BMP10: variants seen among roughly 807,000 people sequenced by gnomAD.
BMP10 encodes bone morphogenetic protein 10.
A neutral mutation model predicts 29.9 loss-of-function variants in BMP10; 9 were observed. That is an observed-to-expected ratio of 0.30 (90% CI 0.18 to 0.53). The LOEUF (loss-of-function observed/expected upper bound fraction) is 0.53, where lower values mean the gene tolerates loss of function less well. Among genes scored for constraint, BMP10 ranks in the 20% least tolerant of loss-of-function variants. BMP10 has a pLI of 0.96. For missense variants in BMP10, 474 were observed against 524.3 expected, an observed-to-expected ratio of 0.90 and a Z score of 0.94; for synonymous variants, 202 against 200.2, an observed-to-expected ratio of 1.01 and a Z score of -0.07.
At chr2:68,867,070 C>T (rs577733576) in intron 1 of BMP10, among the ~76,000 whole-genome samples, 354 of 152,284 alleles carry the variant, frequency 2.3e-3, no homozygotes, top group African/African-American at 8.2e-3. Context: ...TCCTAAAAGA[C>T]CTCCATTTAG....
Position 68,865,690 on chromosome 2 carries a change from C to G in BMP10, c.1216G>C (p.Val406Leu). 6.2e-7 allele frequency: 1 copy of G among 1,614,086 alleles called. No homozygotes were observed. The highest frequency in any genetic ancestry group is 8.5e-7 in the Non-Finnish European group (1 of 1,179,968). The change falls in exon 2 of 2, where the codon GTC becomes CTC. Residue 406 changes from valine to leucine, a missense_variant. Physicochemically the swap from Val to Leu is conservative, Grantham distance 32. Transcript: ENST00000295379. This position sits in a 1 kb window ranked among gnomAD's most constrained non-coding sequence, Gnocchi z 4.7. ...TCGTATTTAAACTTGTAGGTGACGA[C>G]GCCTTTGTCTAAATAGAGGATGGAG... Reference protein sequence around the residue: ...PISILYLDKGVVTYKFKYEGM... With the variant: ...PISILYLDKGLVTYKFKYEGM...
rs1309528022 is a variant in BMP10, at chr2:68,865,145, T to C, written c.*486A>G. Among the ~76,000 whole-genome samples the C allele has an allele frequency of 1.3e-5, 2 of 152,134 alleles. No individual in the cohort carries two copies. Among genetic ancestry groups the C allele is most frequent in the African/African-American group, 4.8e-5 (2 of 41,434 alleles). On this transcript the variant is annotated 3_prime_UTR_variant, in exon 2 of 2. Transcript: ENST00000295379. The surrounding 1 kb of genome is among the most constrained non-coding windows in gnomAD (Gnocchi z 4.7). ...AAAAGCTACACTTACATTTCCAGAG[T>C]ATTTAGGAAGGGTAATACTTCCTAG...
chr2:68,865,568 C>T lies in BMP10; in HGVS notation c.*63G>A. The T allele has an allele frequency of 6.8e-7, 1 of 1,472,460 alleles. No homozygotes were observed. The highest frequency in any genetic ancestry group is 9.3e-7 in the Non-Finnish European group (1 of 1,075,872). 91.2% of individuals were successfully genotyped at this position (1,472,460 alleles called of 1,614,324 possible). The stretch of plus-strand genomic sequence containing the variant: ...ACTGTACACCCTTATTAAATAATCT[C>T]ATTAAATAGGAACACCAAATATACA... On this transcript the variant is annotated 3_prime_UTR_variant, in exon 2 of 2. Transcript: ENST00000295379. The surrounding 1 kb of genome is among the most constrained non-coding windows in gnomAD (Gnocchi z 4.7).
Position 68,864,767 on chromosome 2 carries a change from C to T in BMP10, c.*864G>A, listed in dbSNP as rs1178319171. On this transcript the variant is annotated 3_prime_UTR_variant, in exon 2 of 2. Transcript: ENST00000295379. ...TTAAACAGAACCACTTTTGGTTTTA[C>T]AGACACATCTGAGGATAGCCTCTGA... Among the ~76,000 whole-genome samples, 3 of 152,216 alleles carry T rather than the reference C, an allele frequency of 2.0e-5. No homozygotes were observed. Among genetic ancestry groups the T allele is most frequent in the Admixed American group, 6.5e-5 (1 of 15,276 alleles).
At chr2:68,867,482 A>T (rs1682986231) in intron 1 of BMP10, among the ~76,000 whole-genome samples, 2 of 152,216 alleles carry the variant, frequency 1.3e-5, no homozygotes, top group Admixed American at 6.5e-5. Context: ...GGGGCGTGAC[A>T]TGTATAACTC....
chr2:68,865,583 C>A lies in BMP10; in HGVS notation c.*48G>T. On this transcript the variant is annotated 3_prime_UTR_variant, in exon 2 of 2. Coordinates refer to ENST00000295379, the MANE Select transcript of BMP10 (RefSeq NM_014482.3). This position sits in a 1 kb window ranked among gnomAD's most constrained non-coding sequence, Gnocchi z 4.7. The stretch of plus-strand genomic sequence containing the variant: ...TAAATAATCTCATTAAATAGGAACA[C>A]CAAATATACACATTTACAGTTATTA... 1 of 1,533,480 alleles carries A rather than the reference C, an allele frequency of 6.5e-7. No individual in the cohort carries two copies. Among genetic ancestry groups the A allele is most frequent in the Non-Finnish European group, 8.9e-7 (1 of 1,123,024 alleles). The allele number at this position is 1,533,480 out of a possible 1,614,324, so 95.0% of individuals were successfully genotyped here. A position where few individuals can be genotyped will look rare whatever the true frequency, so the allele number is the denominator to read the frequency against.
rs1359428236 is a variant in BMP10 at position 68,862,408 on chromosome 2, C to A, written c.*3223G>T. Among the ~76,000 whole-genome samples the A allele has an allele frequency of 6.6e-6, 1 of 152,090 alleles. No homozygotes were observed. The highest frequency in any genetic ancestry group is 1.5e-5 in the Non-Finnish European group (1 of 68,012). ...AGACTCTCTATCCAAAAGGGAATCACAGACATAAAAATAAAATATTTGGTA... is the reference window on the plus strand; with the variant it reads ...AGACTCTCTATCCAAAAGGGAATCAAAGACATAAAAATAAAATATTTGGTA... On this transcript the variant is annotated 3_prime_UTR_variant, in exon 2 of 2. Coordinates refer to ENST00000295379, the MANE Select transcript of BMP10 (RefSeq NM_014482.3).
rs60978330 is a variant in BMP10, at chr2:68,863,115, G to A, written c.*2516C>T. 0.012 allele frequency among the ~76,000 whole-genome samples: 1,770 copies of A among 152,312 alleles called. 37 individuals carry two copies. Among genetic ancestry groups the A allele is most frequent in the African/African-American group, 0.04 (1,659 of 41,554 alleles). ...TAATGTCAGCGGTGTGCTAATGTCA[G>A]TGGGATACTAAATGTCAGCGGTGTG... is the stretch of plus-strand genomic sequence containing the variant. On this transcript the variant is annotated 3_prime_UTR_variant, in exon 2 of 2. Coordinates refer to ENST00000295379, the MANE Select transcript of BMP10 (RefSeq NM_014482.3).
At chr2:68,867,468 G>A (rs947952194) in intron 1 of BMP10, among the ~76,000 whole-genome samples, 20 of 152,170 alleles carry the variant, frequency 1.3e-4, no homozygotes, top group Admixed American at 1.2e-3. Flanking sequence ...CTAGCACCTG[G>A]CATGGGGCGT....
intron 1 of BMP10, among the ~76,000 whole-genome samples, chr2:68,869,860 T>G (rs975249083): frequency 3.3e-5 from 5 of 152,242 alleles, no homozygotes; most frequent in Admixed American, 2.6e-4. Flanking sequence ...AAGTAACTCA[T>G]TAGTAGTCAC....
chr2:68,867,817 A>G (rs1682994955), intron 1 of BMP10, among the ~76,000 whole-genome samples: 1 of 152,112 alleles, frequency 6.6e-6, no homozygotes, highest in African/African-American at 2.4e-5. Flanking sequence ...TTTTTCTTTA[A>G]TTTGATCTAA....
In BMP10 at chr2:68,865,457, T is replaced by C. The variant is rs1328939496; in HGVS notation, c.*174A>G. The C allele has an allele frequency of 7.4e-6, 5 of 678,362 alleles. No individual in the cohort carries two copies. Among genetic ancestry groups the C allele is most frequent in the South Asian group, 7.1e-5 (3 of 42,058 alleles). The allele number at this position is 678,362 out of a possible 1,614,324, so 42.0% of individuals were successfully genotyped here. On this transcript the variant is annotated 3_prime_UTR_variant, in exon 2 of 2. Coordinates refer to ENST00000295379, the MANE Select transcript of BMP10 (RefSeq NM_014482.3). This position sits in a 1 kb window ranked among gnomAD's most constrained non-coding sequence, Gnocchi z 4.7. Reference sequence around the variant, plus strand: ...ATGGCAAGTCCAAAGAGAAAACAGATTGAAAGGGACTTAACTGGAGAGGAA... The same window carrying C: ...ATGGCAAGTCCAAAGAGAAAACAGACTGAAAGGGACTTAACTGGAGAGGAA...
Position 68,871,372 on chromosome 2 carries a change from C to T in BMP10, c.-14G>A. ...CAGAGAGCCCATGACTCCGCTCGAG[C>T]TCCTAGGCCAAGCCAGGAAGGTTTA... On this transcript the variant is annotated 5_prime_UTR_variant, in exon 1 of 2. Coordinates refer to ENST00000295379, the MANE Select transcript of BMP10 (RefSeq NM_014482.3). The T allele has an allele frequency of 6.2e-7, 1 of 1,608,598 alleles. No individual in the cohort carries two copies. Among genetic ancestry groups the T allele is most frequent in the Non-Finnish European group, 8.5e-7 (1 of 1,176,690 alleles).
Position 68,871,205 on chromosome 2 carries a change from T to A in BMP10, c.154A>T (p.Asn52Tyr). The A allele has an allele frequency of 6.2e-7, 1 of 1,614,124 alleles. No homozygotes were observed. Among genetic ancestry groups the A allele is most frequent in the South Asian group, 1.1e-5 (1 of 91,080 alleles). Residue 52 changes from asparagine to tyrosine, a missense_variant, in exon 1 of 2, where the codon AAC (asparagine) becomes TAC (tyrosine). This residue lies in a region of BMP10 where 408 missense variants were observed against 415.3 expected (regional missense o/e 0.98). Transcript: ENST00000295379. Reference protein sequence around the residue: ...VFSEQDGVDFNTLLQSMKDEF... With the variant: ...VFSEQDGVDFYTLLQSMKDEF... ...TCCTTCATGCTCTGGAGCAGTGTGT[T>A]AAAGTCGACACCGTCTTGCTCTGAG...
At position 68,866,697 on chromosome 2, in the gene BMP10, T is replaced by C. The variant is rs1298883632; in HGVS notation, c.335-126A>G. 4 of 712,530 alleles carry C rather than the reference T, an allele frequency of 5.6e-6. No individual in the cohort carries two copies. In the East Asian group the frequency reaches 8.1e-5, roughly 14 times the overall value. 44.1% of individuals were successfully genotyped at this position (712,530 alleles called of 1,614,324 possible). Reference sequence around the variant, plus strand: ...ATGCAGAAAGAATGAAGGGAGAAAATCAATGAGAACAAACACAATGTCAGC... The same window carrying C: ...ATGCAGAAAGAATGAAGGGAGAAAACCAATGAGAACAAACACAATGTCAGC... On this transcript the variant is annotated intron_variant, in intron 1 of 1. Coordinates refer to ENST00000295379, the MANE Select transcript of BMP10 (RefSeq NM_014482.3).
In BMP10 at chr2:68,865,623, C is replaced by G. The variant is rs367847684; in HGVS notation, c.*8G>C. On this transcript the variant is annotated 3_prime_UTR_variant, in exon 2 of 2. Transcript: ENST00000295379. This position sits in a 1 kb window ranked among gnomAD's most constrained non-coding sequence, Gnocchi z 4.7. ...TACAGTTATTAAATAAGCCATAGGA[C>G]TCTTCTTCTATCTACAGCCACATTC... 1.4e-5 allele frequency: 23 copies of G among 1,609,244 alleles called. No homozygotes were observed. The highest frequency in any genetic ancestry group is 3.3e-4 in the Middle Eastern group (2 of 5,980).
intron 1 of BMP10, among the ~76,000 whole-genome samples, 186 bp from the exon 2 acceptor site, chr2:68,866,757 G>C (rs1438335118): frequency 6.6e-6 from 1 of 152,150 alleles, no homozygotes; most frequent in African/African-American, 2.4e-5. Flanking sequence ...AAGGTCAGTG[G>C]TAGAATGCCC....
In BMP10 at chr2:68,867,643, G is replaced by A. The variant is rs77432180; in HGVS notation, c.335-1072C>T. On this transcript the variant is annotated intron_variant, in intron 1 of 1. Transcript: ENST00000295379. ...CCTCAGGTAATGAGTCTACAAGGAA[G>A]CCCTGAAGGCATTTGCCATCAGATT... is the stretch of plus-strand genomic sequence containing the variant. 2.9e-3 allele frequency among the ~76,000 whole-genome samples: 448 copies of A among 152,258 alleles called. 1 individual carries two copies. Among genetic ancestry groups the A allele is most frequent in the Non-Finnish European group, 4.4e-3 (301 of 68,012 alleles).
rs761642916 is a variant in BMP10 at position 68,866,455 on chromosome 2, C to T, written c.451G>A (p.Val151Met). 6.2e-7 allele frequency: 1 copy of T among 1,613,926 alleles called. No homozygotes were observed. Among genetic ancestry groups the T allele is most frequent in the Admixed American group, 1.7e-5 (1 of 60,000 alleles). Residue 151 changes from valine to methionine, a missense_variant, in exon 2 of 2, where the codon GTG (valine) becomes ATG (methionine). Transcript: ENST00000295379. ...IMAELRLYTLVQRDRMIYDGV... is the reference protein window; with the variant it reads ...IMAELRLYTLMQRDRMIYDGV... ...TCGTATATCATACGATCCCTTTGCA[C>T]CAGTGTGTATAGCCTAAGTTCAGCC...
Sources: allele counts gnomAD v4.1 joint callset (sites outside exome capture counted in the v4.1 genomes callset), GRCh38; gene constraint gnomAD v4.1.1; regional missense constraint gnomAD v4.1.1; non-coding constraint Gnocchi (gnomAD v3.1); transcripts MANE v1.5; gene names NCBI Gene and HGNC (gene_info 2026-07-23, HGNC 2026-07-21).